Variants in EFCAB3 observed in about 807,000 individuals in gnomAD.
EFCAB3 encodes the protein EF-hand calcium-binding domain-containing protein 3.
In EFCAB3, 36 loss-of-function variants were observed where a neutral mutation model predicts 42.2. The observed-to-expected ratio is 0.85, with a 90% CI of 0.65 to 1.13. EFCAB3 has a LOEUF of 1.13. EFCAB3 is among the 50% of genes most tolerant of loss of function. The pLI is 0.00. For missense variants in EFCAB3, 418 were observed against 505.1 expected, an observed-to-expected ratio of 0.83 and a Z score of 1.65; for synonymous variants, 170 against 172.8, an observed-to-expected ratio of 0.98 and a Z score of 0.13.
At chr17:62,398,509 A>C (rs1267932553) in intron 6 of EFCAB3, among the ~76,000 whole-genome samples, 7 of 151,792 alleles carry the variant, frequency 4.6e-5, no homozygotes, top group South Asian at 2.1e-4. Flanking sequence ...AAAAAAAAAA[A>C]AAAACAAAAA....
At chr17:62,378,892 C>T (rs1465324822), upstream of EFCAB3, among the ~76,000 whole-genome samples, 1 of 150,424 alleles carries the variant, frequency 6.6e-6, no homozygotes, top group Non-Finnish European at 1.5e-5. Context: ...CCTGCACGTT[C>T]TGCACATGTG....
chr17:62,374,771 G>A (rs896629811), intron 2 of EFCAB3, among the ~76,000 whole-genome samples: 1 of 152,056 alleles, frequency 6.6e-6, no homozygotes, highest in Non-Finnish European at 1.5e-5. Flanking sequence ...TAACAAGTGC[G>A]ACAAAAAAGA....
intron 8 of EFCAB3, among the ~76,000 whole-genome samples, chr17:62,409,407 T>C (rs1431331645): frequency 6.6e-6 from 1 of 152,096 alleles, no homozygotes; most frequent in Non-Finnish European, 1.5e-5. Flanking sequence ...CAATGGTACA[T>C]ACCCCTAATC....
chr17:62,413,918 C>T lies in EFCAB3; in HGVS notation c.990+64C>T. On this transcript the variant is annotated intron_variant, in intron 9 of 9. Transcript: ENST00000305286. ...GACAAAAATATTGTCCACTTCAATACTACACCATAAAACCAAGAGAATTTT... is the reference window on the plus strand; with the variant it reads ...GACAAAAATATTGTCCACTTCAATATTACACCATAAAACCAAGAGAATTTT... The T allele has an allele frequency of 3.3e-6, 5 of 1,513,800 alleles. 1 individual carries two copies. The South Asian group carries it at 5.3e-5, about 16-fold the overall frequency. The allele number at this position is 1,513,800 out of a possible 1,614,324, so 93.8% of individuals were successfully genotyped here.
intron 7 of EFCAB3, 83 bp from the exon 8 acceptor site, chr17:62,406,945 C>A: frequency 2.1e-6 from 3 of 1,435,572 alleles, no homozygotes; most frequent in South Asian, 2.9e-5. Context: ...ATAGACAAAG[C>A]AAAACAGGCA....
chr17:62,398,702 T>TACACACACAC, intron 6 of EFCAB3, among the ~76,000 whole-genome samples: 1 of 148,896 alleles, frequency 6.7e-6, no homozygotes, highest in South Asian at 2.1e-4. Flanking sequence ...ATTATATATG[T>TACACACACAC]ACACACACAC....
At chr17:62,400,392 C>T (rs574891322) in intron 6 of EFCAB3, among the ~76,000 whole-genome samples, 23 of 152,250 alleles carry the variant, frequency 1.5e-4, no homozygotes, top group African/African-American at 4.3e-4. Context: ...ACTGACCCTA[C>T]GACAGGCCCC....
At chr17:62,371,349 G>C (rs2070113236) in intron 1 of EFCAB3, among the ~76,000 whole-genome samples, 1 of 152,074 alleles carries the variant, frequency 6.6e-6, no homozygotes, top group Non-Finnish European at 1.5e-5. Context: ...GAGGTCAGGA[G>C]GTCGAGACCA....
At chr17:62,388,492 G>A (rs1435329884) in intron 3 of EFCAB3, among the ~76,000 whole-genome samples, 1 of 152,186 alleles carries the variant, frequency 6.6e-6, no homozygotes, top group Admixed American at 6.5e-5. Flanking sequence ...AGTCAAGTGT[G>A]GCTGTGTTTG....
intron 1 of EFCAB3, among the ~76,000 whole-genome samples, chr17:62,373,327 T>C (rs1393909154): frequency 6.9e-6 from 1 of 144,638 alleles, no homozygotes; most frequent in East Asian, 2.1e-4. Flanking sequence ...CAAAGACTCA[T>C]CCTTGCCAGG....
intron 7 of EFCAB3, 101 bp downstream of exon 7, chr17:62,406,774 G>A: frequency 7.8e-7 from 1 of 1,273,990 alleles, no homozygotes; most frequent in Non-Finnish European, 1.1e-6. Context: ...GAACAGGACT[G>A]CAGCCTATTC....
At chr17:62,415,606 C>T (rs1031990224) in intron 9 of EFCAB3, among the ~76,000 whole-genome samples, 14 of 152,112 alleles carry the variant, frequency 9.2e-5, no homozygotes, top group African/African-American at 3.1e-4. Context: ...ACCTTCCCCT[C>T]ACCACTTACT....
At chr17:62,383,423 G>C (rs2070221342) in intron 2 of EFCAB3, among the ~76,000 whole-genome samples, 2 of 151,966 alleles carry the variant, frequency 1.3e-5, no homozygotes, top group Non-Finnish European at 2.9e-5. Flanking sequence ...GCAGTGAGTT[G>C]ACATTGTGCC....
chr17:62,393,460 G>A, intron 4 of EFCAB3, 113 bp from the exon 5 acceptor site: 1 of 822,174 alleles, frequency 1.2e-6, no homozygotes. Context: ...GCCCTCAAAT[G>A]CTCTGTTTTT....
chr17:62,413,995 A>G (rs1381919780), intron 9 of EFCAB3, 141 bp downstream of exon 9: 4 of 949,366 alleles, frequency 4.2e-6, no homozygotes, highest in African/African-American at 1.7e-5. Flanking sequence ...ATGTTTACCC[A>G]TTGTAATAAC....
At chr17:62,400,452 C>T (rs983521284) in intron 6 of EFCAB3, among the ~76,000 whole-genome samples, 3 of 152,148 alleles carry the variant, frequency 2.0e-5, no homozygotes, top group Admixed American at 1.3e-4. Flanking sequence ...TTGTTCAATT[C>T]CCACCTATGA....
chr17:62,373,378 C>A (rs1007342825), intron 1 of EFCAB3, among the ~76,000 whole-genome samples: 1 of 151,490 alleles, frequency 6.6e-6, no homozygotes, highest in Non-Finnish European at 1.5e-5. Context: ...TTTGGGAGGC[C>A]AAGGCGTGAG....
intron 8 of EFCAB3, among the ~76,000 whole-genome samples, chr17:62,412,173 C>T (rs947671267): frequency 6.6e-6 from 1 of 151,416 alleles, no homozygotes; most frequent in Non-Finnish European, 1.5e-5. Context: ...GTCAGGAGTT[C>T]GAGACCAGCC....
intron 6 of EFCAB3, 67 bp from the exon 7 acceptor site, chr17:62,406,413 T>A (rs1598019736): frequency 7.2e-7 from 1 of 1,384,496 alleles, no homozygotes; most frequent in East Asian, 2.5e-5. Context: ...AACTAGCAAC[T>A]TGACTTTTTA....
Sources: allele counts gnomAD v4.1 joint callset (sites outside exome capture counted in the v4.1 genomes callset), GRCh38; gene constraint gnomAD v4.1.1; transcripts MANE v1.5; gene names NCBI Gene and HGNC (gene_info 2026-07-23, HGNC 2026-07-21).